SRBD1: variants seen among roughly 807,000 people sequenced by gnomAD.
The protein encoded by SRBD1 is S1 RNA-binding domain-containing protein 1.
Under a neutral mutation model 115.3 loss-of-function variants are expected in SRBD1, and 88 were observed. That is an observed-to-expected ratio of 0.76 (90% confidence interval 0.64 to 0.91). The LOEUF is 0.91. SRBD1 is among the 40% of genes least tolerant of loss of function. SRBD1 has a pLI of 0.00. For synonymous variants in SRBD1, 509 were observed against 407.7 expected (o/e 1.25, Z -2.99); for missense variants, 1,385 against 1,177.4 (o/e 1.18, Z -2.58).
At chr2:45,432,593 C>A (rs1190050206) in intron 16 of SRBD1, among the ~76,000 whole-genome samples, 2 of 152,148 alleles carry the variant, frequency 1.3e-5, no homozygotes, top group Non-Finnish European at 2.9e-5. Flanking sequence ...ACACATCACT[C>A]TACTGGCAGT....
At chr2:45,408,341 A>G (rs1421500529) in intron 19 of SRBD1, among the ~76,000 whole-genome samples, 2 of 152,202 alleles carry the variant, frequency 1.3e-5, no homozygotes, top group Admixed American at 1.3e-4. Flanking sequence ...TAAATTGCTA[A>G]TTTCATCTCT....
intron 16 of SRBD1, among the ~76,000 whole-genome samples, chr2:45,431,871 T>C (rs1668348427): frequency 6.6e-6 from 1 of 152,206 alleles, no homozygotes; most frequent in Admixed American, 6.5e-5. Context: ...TTTAGAAGTT[T>C]TAAAAACTCT....
At chr2:45,456,151 G>A (rs1669145975) in intron 16 of SRBD1, among the ~76,000 whole-genome samples, 1 of 151,858 alleles carries the variant, frequency 6.6e-6, no homozygotes, top group African/African-American at 2.4e-5. Context: ...TTGTTTAACT[G>A]AAAGACTTCT....
intron 14 of SRBD1, among the ~76,000 whole-genome samples, chr2:45,501,472 G>A (rs1031776176): frequency 6.6e-6 from 1 of 152,158 alleles, no homozygotes; most frequent in African/African-American, 2.4e-5. Context: ...CACCAAGCGT[G>A]AGGTGAAGCA....
intron 10 of SRBD1, among the ~76,000 whole-genome samples, chr2:45,554,314 C>A (rs1251495958): frequency 2.0e-5 from 3 of 152,204 alleles, no homozygotes; most frequent in African/African-American, 7.2e-5. Flanking sequence ...TGATCTTGGA[C>A]TTCTCAGCCT....
intron 7 of SRBD1, among the ~76,000 whole-genome samples, chr2:45,577,655 C>T (rs1362541135): frequency 7.2e-6 from 1 of 138,742 alleles, no homozygotes; most frequent in African/African-American, 3.3e-5. Flanking sequence ...GTGTCTTCTA[C>T]TGGGGAAAAA....
chr2:45,486,217 C>A (rs751159712), intron 15 of SRBD1, among the ~76,000 whole-genome samples: 1 of 152,094 alleles, frequency 6.6e-6, no homozygotes, highest in Non-Finnish European at 1.5e-5. Flanking sequence ...TCTTCAGCAG[C>A]GGGAGGCCTG....
Position 45,488,323 on chromosome 2 carries a change from C to A in SRBD1, c.1883G>T (p.Ser628Ile). 1.9e-6 allele frequency: 3 copies of A among 1,613,464 alleles called. No individual in the cohort carries two copies. Among genetic ancestry groups the A allele is most frequent in the African/African-American group, 2.7e-5 (2 of 74,960 alleles). ...APLDVVYCIV[S>I]EAGASIYSVS... Reference sequence around the variant, plus strand: ...ACTGTAGATTGATGCTCCTGCTTCACTGACGATACTGAGAAGACAGAAAAA... The same window carrying A: ...ACTGTAGATTGATGCTCCTGCTTCAATGACGATACTGAGAAGACAGAAAAA... The change falls in exon 15 of 21, where the codon AGT (serine) becomes ATT (isoleucine). Residue 628 changes from serine (S) to isoleucine (I), a missense_variant. Ser to Ile is a moderately radical substitution (Grantham distance 142, BLOSUM62 -2). Coordinates refer to ENST00000263736, the MANE Select transcript of SRBD1 (RefSeq NM_018079.5).
chr2:45,603,692 G>A (rs142587486), intron 2 of SRBD1, among the ~76,000 whole-genome samples: 1 of 152,084 alleles, frequency 6.6e-6, no homozygotes, highest in Non-Finnish European at 1.5e-5. Context: ...ACCATGCCTG[G>A]CTAATTTTTG....
At chr2:45,593,005 A>C (rs1480180776) in intron 4 of SRBD1, among the ~76,000 whole-genome samples, 1 of 152,242 alleles carries the variant, frequency 6.6e-6, no homozygotes, top group Non-Finnish European at 1.5e-5. Context: ...AAGAACTACC[A>C]TAGTTTTCAC....
chr2:45,433,067 C>T (rs932809371), intron 16 of SRBD1, among the ~76,000 whole-genome samples: 7 of 152,142 alleles, frequency 4.6e-5, no homozygotes, highest in Non-Finnish European at 8.8e-5. Context: ...TGAAGTTTTT[C>T]CCAAAGTGGA....
intron 18 of SRBD1, among the ~76,000 whole-genome samples, chr2:45,416,477 A>T (rs72880613): frequency 6.6e-6 from 1 of 152,208 alleles, no homozygotes; most frequent in Admixed American, 6.5e-5. Flanking sequence ...ACTAAATTAC[A>T]GCCCATCCAT....
At chr2:45,575,481 G>A (rs922557620) in intron 7 of SRBD1, among the ~76,000 whole-genome samples, 2 of 152,000 alleles carry the variant, frequency 1.3e-5, no homozygotes, top group African/African-American at 4.8e-5. Context: ...AACGTTTTTT[G>A]CACTAAACCT....
At chr2:45,503,988 T>C (rs931165868) in intron 14 of SRBD1, among the ~76,000 whole-genome samples, 2 of 152,198 alleles carry the variant, frequency 1.3e-5, no homozygotes, top group Non-Finnish European at 2.9e-5. Flanking sequence ...TCTTGAGTTA[T>C]ATAAAGCCCT....
intron 8 of SRBD1, 48 bp from the exon 9 acceptor site, chr2:45,573,390 G>A (rs1203338460): frequency 6.4e-7 from 1 of 1,563,316 alleles, no homozygotes; most frequent in Non-Finnish European, 8.6e-7. Context: ...ATTAATTTGT[G>A]CTTTAGTAAA....
At chr2:45,521,973 AAAAGAAAG>A (rs755665263) in intron 14 of SRBD1, among the ~76,000 whole-genome samples, 2 of 151,990 alleles carry the variant, frequency 1.3e-5, no homozygotes, top group Non-Finnish European at 2.9e-5. Flanking sequence ...ATCTCCCAAA[AAAAGAAAG>A]AAAGAAAGAA....
chr2:45,537,846 G>T (rs1333288352), intron 14 of SRBD1, among the ~76,000 whole-genome samples: 1 of 152,172 alleles, frequency 6.6e-6, no homozygotes, highest in Non-Finnish European at 1.5e-5. Flanking sequence ...AAAAGGAAGA[G>T]CTACCTCTGA....
chr2:45,517,429 G>C (rs975554201), intron 14 of SRBD1, among the ~76,000 whole-genome samples: 3 of 152,180 alleles, frequency 2.0e-5, no homozygotes, highest in African/African-American at 7.2e-5. Context: ...GGTTACAGCA[G>C]AGCAACTAAA....
intron 1 of SRBD1, among the ~76,000 whole-genome samples, chr2:45,610,822 G>C (rs375876609): frequency 3.7e-4 from 57 of 152,256 alleles, no homozygotes; most frequent in Admixed American, 1.4e-3. Flanking sequence ...CAGCTACTCG[G>C]GAGGCTGAGG....
Sources: gnomAD v4.1 joint callset for allele counts (sites outside exome capture counted in the v4.1 genomes callset) on GRCh38, gnomAD v4.1.1 for gene constraint, MANE v1.5 for transcripts, NCBI Gene and HGNC (gene_info 2026-07-23, HGNC 2026-07-21) for gene names.